Variants in FLI1 observed in about 807,000 individuals in gnomAD.
FLI1 encodes the protein Fli-1 proto-oncogene, ETS transcription factor, also known as Friend leukemia integration 1 transcription factor.
FLI1 carries 13 observed loss-of-function variants against 53.1 expected under a neutral mutation model. The ratio of observed to expected loss-of-function variants is 0.24; its 90% CI spans 0.16 to 0.39. The LOEUF is 0.39. Among genes scored for constraint, FLI1 ranks in the 10% least tolerant of loss-of-function variants. FLI1 has a pLI of 1.00. For missense variants in FLI1, 424 were observed against 600.5 expected, an observed-to-expected ratio of 0.71 and a Z score of 3.07; for synonymous variants, 244 against 236.7, an observed-to-expected ratio of 1.03 and a Z score of -0.28.
At chr11:128,715,033 C>A (rs1001429198) in intron 1 of FLI1, among the ~76,000 whole-genome samples, 1 of 152,116 alleles carries the variant, frequency 6.6e-6, no homozygotes, top group African/African-American at 2.4e-5. Context: ...CACTTGACTT[C>A]CACCACAGCC....
At chr11:128,782,243 T>A (rs7933519) in intron 5 of FLI1, among the ~76,000 whole-genome samples, 15 of 152,080 alleles carry the variant, frequency 9.9e-5, no homozygotes, top group Admixed American at 5.9e-4. Flanking sequence ...AAGATACAAC[T>A]TGAAGTTGTC....
chr11:128,796,794 G>A (rs1408829084), intron 5 of FLI1, among the ~76,000 whole-genome samples: 1 of 152,164 alleles, frequency 6.6e-6, no homozygotes, highest in Admixed American at 6.5e-5. Flanking sequence ...GGCCAACATG[G>A]TGAAACCCCG....
chr11:128,813,193 C>A lies in FLI1; in HGVS notation c.*2205C>A, dbSNP rs1489086565. The A allele has an allele frequency of 1.3e-5, 2 of 155,584 alleles. No homozygotes were observed. The highest frequency in any genetic ancestry group is 2.9e-5 in the Non-Finnish European group (2 of 70,094). 9.6% of individuals were successfully genotyped at this position (155,584 alleles called of 1,614,324 possible). A position where few individuals can be genotyped will look rare whatever the true frequency, so the allele number is the denominator to read the frequency against. ...CATATATACAAACTGTTACATTATT[C>A]TTCATATTAGAAAACAAATACAAAA... On this transcript the variant is annotated 3_prime_UTR_variant, in exon 9 of 9. Coordinates refer to ENST00000527786, the MANE Select transcript of FLI1 (RefSeq NM_002017.5).
At chr11:128,719,905 T>A (rs1301036689) in intron 1 of FLI1, among the ~76,000 whole-genome samples, 2 of 152,200 alleles carry the variant, frequency 1.3e-5, no homozygotes, top group Non-Finnish European at 2.9e-5. Context: ...TGCTACTACT[T>A]CTTCTCTGTT....
upstream of FLI1, among the ~76,000 whole-genome samples, chr11:128,685,708 CAAAAAAAAAAAAAAA>C (rs5795633): frequency 5.2e-5 from 3 of 57,628 alleles, no homozygotes; most frequent in Non-Finnish European, 1.0e-4. Context: ...CTTGAGGAGC[CAAAAAAAAAAAAAAA>C]AAAAAAAAAA....
chr11:128,686,393 A>G (rs1409657535), upstream of FLI1: 7 of 456,140 alleles, frequency 1.5e-5, no homozygotes, highest in Non-Finnish European at 3.1e-5. Flanking sequence ...AGGAGACCCA[A>G]TGGTGTGAGG....
chr11:128,782,460 C>T (rs958699432), intron 5 of FLI1, among the ~76,000 whole-genome samples: 2 of 152,064 alleles, frequency 1.3e-5, no homozygotes, highest in East Asian at 1.9e-4. Context: ...TTTGGGGGGC[C>T]GAAGTGGGTG....
At chr11:128,724,694 G>C (rs1423873429) in intron 1 of FLI1, among the ~76,000 whole-genome samples, 4 of 152,162 alleles carry the variant, frequency 2.6e-5, no homozygotes, top group African/African-American at 9.7e-5. Flanking sequence ...GGAGAAACAA[G>C]AGCACACATC....
At position 128,812,332 on chromosome 11, in the gene FLI1, T is replaced by A. The variant is rs1220511681; in HGVS notation, c.*1344T>A. 2.3e-5 allele frequency: 5 copies of A among 219,760 alleles called. No individual in the cohort carries two copies. The East Asian group carries it at 3.3e-4, about 15-fold the overall frequency. The allele number at this position is 219,760 out of a possible 1,614,324, so 13.6% of individuals were successfully genotyped here. ...TTTTGCAGGTAATTGTTGACTTTTTTAACTATATTAAGTGTTAAGCTGACA... is the reference window on the plus strand; with the variant it reads ...TTTTGCAGGTAATTGTTGACTTTTTAAACTATATTAAGTGTTAAGCTGACA... On this transcript the variant is annotated 3_prime_UTR_variant, in exon 9 of 9. Coordinates refer to ENST00000527786, the MANE Select transcript of FLI1 (RefSeq NM_002017.5).
chr11:128,756,802 C>T (rs1280439296), intron 1 of FLI1, among the ~76,000 whole-genome samples: 2 of 152,152 alleles, frequency 1.3e-5, no homozygotes, highest in African/African-American at 2.4e-5. Context: ...CCTTGGATGC[C>T]TGTGATTCGA....
At chr11:128,779,813 A>G (rs2135859551) in intron 4 of FLI1, among the ~76,000 whole-genome samples, 1 of 152,358 alleles carries the variant, frequency 6.6e-6, no homozygotes, top group Non-Finnish European at 1.5e-5. Context: ...GGGATAGTTC[A>G]TCTTCATGTG....
chr11:128,773,100 T>C, intron 4 of FLI1, 115 bp downstream of exon 4: 1 of 964,032 alleles, frequency 1.0e-6, no homozygotes, highest in Non-Finnish European at 1.6e-6. Flanking sequence ...AGCAGCATCG[T>C]GGGGCCTGTA....
rs1942969028 is a variant in FLI1, at chr11:128,813,023, G to T, written c.*2035G>T. The T allele has an allele frequency of 6.0e-6, 1 of 167,984 alleles. No individual in the cohort carries two copies. Among genetic ancestry groups the T allele is most frequent in the African/African-American group, 2.4e-5 (1 of 41,252 alleles). The allele number at this position is 167,984 out of a possible 1,614,324, so 10.4% of individuals were successfully genotyped here. ...TAGAACCTTCTTAGGGTAACACTAAGTACCTTCTAGACAACATGTCTACCT... is the reference window on the plus strand; with the variant it reads ...TAGAACCTTCTTAGGGTAACACTAATTACCTTCTAGACAACATGTCTACCT... On this transcript the variant is annotated 3_prime_UTR_variant, in exon 9 of 9. Transcript: ENST00000527786.
At chr11:128,698,733 T>TGTGTGTGTGTGTGAGA (rs766077047) in intron 1 of FLI1, among the ~76,000 whole-genome samples, 6,232 of 133,658 alleles carry the variant, frequency 0.047, 208 homozygotes, top group Non-Finnish European at 0.073. Flanking sequence ...TGTGTGTGTG[T>TGTGTGTGTGTGTGAGA]GAGAGAGAGA....
intron 3 of FLI1, chr11:128,768,484 G>C: frequency 1.8e-6 from 1 of 557,906 alleles, no homozygotes; most frequent in Non-Finnish European, 3.2e-6. Flanking sequence ...TTCAAGACCA[G>C]CCTAGCCAAC....
chr11:128,753,690 C>T (rs1210550152), intron 1 of FLI1, among the ~76,000 whole-genome samples: 2 of 152,248 alleles, frequency 1.3e-5, no homozygotes, highest in African/African-American at 4.8e-5. Flanking sequence ...AACAGCTCCT[C>T]ATGTGTAACA....
intron 1 of FLI1, among the ~76,000 whole-genome samples, chr11:128,743,663 C>A (rs908993218): frequency 4.6e-5 from 7 of 152,108 alleles, no homozygotes; most frequent in Admixed American, 3.3e-4. Flanking sequence ...AAGGTTGGCA[C>A]CTCCAGAAGC....
At chr11:128,698,735 A>T (rs602643) in intron 1 of FLI1, among the ~76,000 whole-genome samples, 4,552 of 92,862 alleles carry the variant, frequency 0.049, 234 homozygotes, top group African/African-American at 0.16. Context: ...TGTGTGTGTG[A>T]GAGAGAGAGA....
chr11:128,783,175 T>C (rs75587428), intron 5 of FLI1, among the ~76,000 whole-genome samples: 328 of 152,284 alleles, frequency 2.2e-3, no homozygotes, highest in African/African-American at 7.3e-3. Flanking sequence ...CAGTTACATA[T>C]AGCACAGCAC....
Sources: allele counts gnomAD v4.1 joint callset (sites outside exome capture counted in the v4.1 genomes callset), GRCh38; gene constraint gnomAD v4.1.1; transcripts MANE v1.5; gene names NCBI Gene and HGNC (gene_info 2026-07-23, HGNC 2026-07-21).